The following RSU1 variants were observed in gnomAD, a reference collection of about 807,000 sequenced individuals.
The protein encoded by RSU1 is Ras suppressor protein 1, also known as rsu-1.
A neutral mutation model predicts 31.1 loss-of-function variants in RSU1; 26 were observed. That is an observed-to-expected ratio of 0.84 (90% CI 0.61 to 1.16). The LOEUF (loss-of-function observed/expected upper bound fraction) is 1.16. Among genes scored for constraint, RSU1 ranks in the 50% most tolerant of loss-of-function variants. The pLI, the probability that RSU1 is intolerant of heterozygous loss-of-function variation, is 0.00. For missense variants in RSU1, 320 were observed against 339.1 expected (o/e 0.94, Z 0.44); for synonymous variants, 164 against 136.3 (o/e 1.20, Z -1.41).
chr10:16,718,045 C>T (rs1836178425), intron 7 of RSU1, among the ~76,000 whole-genome samples: 1 of 142,484 alleles, frequency 7.0e-6, no homozygotes, highest in South Asian at 2.2e-4. Flanking sequence ...AAACAATCAA[C>T]AAACACAAAG....
At chr10:16,688,711 A>C (rs921646349) in intron 8 of RSU1, among the ~76,000 whole-genome samples, 72 of 152,206 alleles carry the variant, frequency 4.7e-4, no homozygotes, top group African/African-American at 1.7e-3. Flanking sequence ...AACTACCTTT[A>C]TGTTAAAAGC....
intron 2 of RSU1, among the ~76,000 whole-genome samples, chr10:16,805,170 G>A: frequency 6.6e-6 from 1 of 151,990 alleles, no homozygotes. Context: ...TCACACCATT[G>A]CAATCCAGCC....
At chr10:16,763,101 T>C (rs1338305533) in intron 4 of RSU1, among the ~76,000 whole-genome samples, 1 of 152,138 alleles carries the variant, frequency 6.6e-6, no homozygotes, top group African/African-American at 2.4e-5. Flanking sequence ...TGGCTACAAA[T>C]TTAATGAACA....
chr10:16,647,356 G>A (rs1381693484), intron 8 of RSU1, among the ~76,000 whole-genome samples: 2 of 152,142 alleles, frequency 1.3e-5, no homozygotes, highest in Non-Finnish European at 2.9e-5. Flanking sequence ...TCCTCAAACG[G>A]TTAAACATAG....
chr10:16,689,126 A>G (rs923790223), intron 8 of RSU1, among the ~76,000 whole-genome samples: 1 of 152,220 alleles, frequency 6.6e-6, no homozygotes, highest in African/African-American at 2.4e-5. Context: ...ATGAAAAAGA[A>G]GAGTCTACAT....
chr10:16,800,145 A>G (rs894885750), intron 2 of RSU1, among the ~76,000 whole-genome samples: 1 of 152,174 alleles, frequency 6.6e-6, no homozygotes, highest in African/African-American at 2.4e-5. Context: ...CTAAAAGCCT[A>G]TTTACCTCAG....
intron 7 of RSU1, among the ~76,000 whole-genome samples, chr10:16,713,234 C>G (rs539460705): frequency 6.6e-6 from 1 of 152,098 alleles, no homozygotes; most frequent in Non-Finnish European, 1.5e-5. Flanking sequence ...TTCCTATGTC[C>G]GTATTTCTGC....
intron 5 of RSU1, among the ~76,000 whole-genome samples, chr10:16,753,777 T>G (rs1837028243): frequency 6.6e-6 from 1 of 152,172 alleles, no homozygotes; most frequent in African/African-American, 2.4e-5. Context: ...TTACCCGTAT[T>G]TATTTTTTAG....
chr10:16,644,399 CATT>C (rs1834498777), intron 8 of RSU1, among the ~76,000 whole-genome samples: 1 of 152,222 alleles, frequency 6.6e-6, no homozygotes, highest in African/African-American at 2.4e-5. Context: ...GGTGATTACA[CATT>C]ACGTGAGTGG....
chr10:16,715,016 C>T (rs969459942), intron 7 of RSU1, among the ~76,000 whole-genome samples: 145 of 152,308 alleles, frequency 9.5e-4, no homozygotes, highest in African/African-American at 3.3e-3. Flanking sequence ...AACAGCACCC[C>T]ATGACTGCCA....
intron 2 of RSU1, among the ~76,000 whole-genome samples, chr10:16,785,715 C>T (rs1837778159): frequency 7.7e-6 from 1 of 130,210 alleles, no homozygotes; most frequent in African/African-American, 3.1e-5. Context: ...GCAGGGATAT[C>T]GCAGAAACAC....
At chr10:16,778,427 A>G (rs554721648) in intron 3 of RSU1, among the ~76,000 whole-genome samples, 51 of 152,292 alleles carry the variant, frequency 3.3e-4, no homozygotes, top group African/African-American at 1.1e-3. Context: ...GGAGCAATGA[A>G]CACTCGGTTT....
At chr10:16,792,453 G>A (rs902984470) in intron 2 of RSU1, among the ~76,000 whole-genome samples, 3 of 152,062 alleles carry the variant, frequency 2.0e-5, no homozygotes, top group African/African-American at 4.8e-5. Context: ...AGCTGGTCTC[G>A]AACTCCCGAC....
intron 7 of RSU1, among the ~76,000 whole-genome samples, chr10:16,743,906 G>T (rs1836798651): frequency 6.6e-6 from 1 of 152,122 alleles, no homozygotes; most frequent in Non-Finnish European, 1.5e-5. Context: ...CAAGGTGGAA[G>T]GACGGCCTCA....
At chr10:16,643,617 T>C (rs998166091) in intron 8 of RSU1, among the ~76,000 whole-genome samples, 26 of 152,162 alleles carry the variant, frequency 1.7e-4, no homozygotes, top group Admixed American at 4.6e-4. Flanking sequence ...AAACAGCCCA[T>C]AGAGTTACCT....
intron 8 of RSU1, among the ~76,000 whole-genome samples, chr10:16,622,954 A>G (rs1317263598): frequency 1.3e-5 from 2 of 152,218 alleles, no homozygotes; most frequent in South Asian, 2.1e-4. Flanking sequence ...GCTGCATGTG[A>G]GACTACAACT....
intron 2 of RSU1, among the ~76,000 whole-genome samples, chr10:16,809,986 C>CGGGGGGGGGG (rs747676679): frequency 3.9e-5 from 3 of 77,040 alleles, no homozygotes; most frequent in Non-Finnish European, 5.4e-5. Flanking sequence ...TTTGGGAGGC[C>CGGGGGGGGGG]GGGGGTGGGG....
chr10:16,762,790 C>T (rs1415563566), intron 4 of RSU1, among the ~76,000 whole-genome samples: 1 of 151,882 alleles, frequency 6.6e-6, no homozygotes, highest in South Asian at 2.1e-4. Flanking sequence ...CGGAGGCAGA[C>T]GGACATGAGG....
intron 7 of RSU1, chr10:16,722,953 T>G (rs1035808177): frequency 1.0e-4 from 15 of 148,572 alleles, no homozygotes; most frequent in South Asian, 4.2e-4. Context: ...TATGTATATA[T>G]ACACACATAT....
Sources: allele counts gnomAD v4.1 joint callset (sites outside exome capture counted in the v4.1 genomes callset), GRCh38; gene constraint gnomAD v4.1.1; transcripts MANE v1.5; gene names NCBI Gene and HGNC (gene_info 2026-07-23, HGNC 2026-07-21).